TNR: variants seen among roughly 807,000 people sequenced by gnomAD.
TNR encodes tenascin R.
Under a neutral mutation model 150.4 loss-of-function variants are expected in TNR, and 45 were observed. That is an observed-to-expected ratio of 0.30 (90% CI 0.24 to 0.38). The LOEUF (loss-of-function observed/expected upper bound fraction) is 0.38, where lower values mean the gene tolerates loss of function less well. Ranked by LOEUF, TNR falls within the 10% of genes least tolerant of loss-of-function variation. The probability of loss-of-function intolerance (pLI) is 1.00; values close to 1 mark genes in which losing one functional copy is unlikely to be tolerated. For synonymous variants in TNR, 687 were observed against 678.4 expected, an observed-to-expected ratio of 1.01 and a Z score of -0.20; for missense variants, 1,544 against 1,759.1, an observed-to-expected ratio of 0.88 and a Z score of 2.19.
rs1342719941 is a variant in TNR, at chr1:175,472,810, C to T, written c.-64+55459G>A. Among the ~76,000 whole-genome samples the T allele has an allele frequency of 2.0e-5, 3 of 152,308 alleles. No homozygotes were observed. The East Asian group carries it at 5.8e-4, about 29-fold the overall frequency. ...GGGTCCTTGATTCTCTAATCTGTAA[C>T]ATCTACTATCCCTGGCTGGGCTTGT... On this transcript the variant is annotated intron_variant, in intron 2 of 22. Coordinates refer to ENST00000367674, the MANE Select transcript of TNR (RefSeq NM_003285.3).
intron 1 of TNR, among the ~76,000 whole-genome samples, chr1:175,703,085 G>A (rs1666744173): frequency 6.6e-6 from 1 of 151,928 alleles, no homozygotes; most frequent in African/African-American, 2.4e-5. Context: ...AGGGAGGGAA[G>A]ACAAAAATAA....
chr1:175,693,201 T>C (rs575214171), intron 1 of TNR, among the ~76,000 whole-genome samples: 23 of 152,228 alleles, frequency 1.5e-4, no homozygotes, highest in Non-Finnish European at 7.3e-5. Flanking sequence ...CCCAGCTTGC[T>C]CTCTGTTACC....
intron 8 of TNR, among the ~76,000 whole-genome samples, chr1:175,381,750 A>G (rs1478254960): frequency 6.6e-6 from 1 of 152,254 alleles, no homozygotes; most frequent in Non-Finnish European, 1.5e-5. Context: ...AACATAAATT[A>G]GATTAAGTAA....
At chr1:175,444,980 G>A (rs1353978958) in intron 2 of TNR, among the ~76,000 whole-genome samples, 2 of 152,128 alleles carry the variant, frequency 1.3e-5, no homozygotes, top group African/African-American at 4.8e-5. Flanking sequence ...GCAGTAAGAA[G>A]CCTGAGGCAG....
At chr1:175,511,219 T>C (rs1013914461) in intron 2 of TNR, among the ~76,000 whole-genome samples, 1 of 152,150 alleles carries the variant, frequency 6.6e-6, no homozygotes, top group African/African-American at 2.4e-5. Context: ...CTGCTGCAAT[T>C]GAAACAACAG....
intron 1 of TNR, among the ~76,000 whole-genome samples, chr1:175,701,476 C>T (rs1387780824): frequency 6.6e-6 from 1 of 152,246 alleles, no homozygotes; most frequent in Non-Finnish European, 1.5e-5. Flanking sequence ...CTTGGCTCCT[C>T]AACCCCAGCT....
intron 1 of TNR, among the ~76,000 whole-genome samples, chr1:175,640,930 T>C (rs1379000651): frequency 3.3e-5 from 5 of 152,132 alleles, no homozygotes; most frequent in African/African-American, 1.2e-4. Context: ...ATTATGTAAC[T>C]GCCTATGTGC....
chr1:175,573,028 C>T (rs566637866), intron 1 of TNR, among the ~76,000 whole-genome samples: 2 of 152,208 alleles, frequency 1.3e-5, no homozygotes, highest in African/African-American at 4.8e-5. Context: ...TGCGATTCAT[C>T]CTGAAGCTAA....
chr1:175,705,611 G>C (rs754786601), intron 1 of TNR, among the ~76,000 whole-genome samples: 1 of 151,946 alleles, frequency 6.6e-6, no homozygotes, highest in Non-Finnish European at 1.5e-5. Context: ...GTGTGCGTGC[G>C]TGTGTGTGTA....
intron 1 of TNR, among the ~76,000 whole-genome samples, chr1:175,616,042 A>G (rs916502192): frequency 1.3e-5 from 2 of 152,244 alleles, no homozygotes; most frequent in African/African-American, 4.8e-5. Flanking sequence ...AATAACTGAG[A>G]GAATGGCATG....
Position 175,391,275 on chromosome 1 carries a change from T to C in TNR, c.1507+13A>G. On this transcript the variant is annotated intron_variant, in intron 7 of 22. Coordinates refer to ENST00000367674, the MANE Select transcript of TNR (RefSeq NM_003285.3). The stretch of plus-strand genomic sequence containing the variant: ...AGTAGGCAGCTCTAGGGAGAAGGGT[T>C]GGAGGCACTCACCTGTGGAGACGCT... 6.2e-7 allele frequency: 1 copy of C among 1,612,902 alleles called. No homozygotes were observed.
At chr1:175,616,537 G>T (rs914906847) in intron 1 of TNR, among the ~76,000 whole-genome samples, 3 of 152,150 alleles carry the variant, frequency 2.0e-5, no homozygotes, top group African/African-American at 7.2e-5. Context: ...CAGGATGGGG[G>T]CAGAGGAAAC....
At chr1:175,344,651 A>G (rs955147426) in intron 18 of TNR, among the ~76,000 whole-genome samples, 1 of 152,230 alleles carries the variant, frequency 6.6e-6, no homozygotes, top group South Asian at 2.1e-4. Flanking sequence ...AAAGTTGTGC[A>G]AGATAAAATG....
In TNR at chr1:175,485,912, G is replaced by A. The variant is rs900724060; in HGVS notation, c.-64+42357C>T. Among the ~76,000 whole-genome samples the A allele has an allele frequency of 2.0e-5, 3 of 152,146 alleles. 1 individual carries two copies. Among genetic ancestry groups the A allele is most frequent in the Non-Finnish European group, 4.4e-5 (3 of 68,042 alleles). On this transcript the variant is annotated intron_variant, in intron 2 of 22. Transcript: ENST00000367674. ...TTTTGTTCTCACAACAGTTCATGAG[G>A]AACGTATTGTCATCACCATCCTTCT...
chr1:175,463,148 G>C (rs1427129845), intron 2 of TNR, among the ~76,000 whole-genome samples: 1 of 152,138 alleles, frequency 6.6e-6, no homozygotes, highest in Non-Finnish European at 1.5e-5. Flanking sequence ...TACCCACAGA[G>C]AGCCTAGAGT....
chr1:175,364,624 C>T (rs192996152), intron 12 of TNR, among the ~76,000 whole-genome samples: 6 of 152,310 alleles, frequency 3.9e-5, no homozygotes, highest in East Asian at 3.9e-4. Context: ...CATTATTGTA[C>T]GAGTGAACTT....
chr1:175,403,715 C>T (rs946850183), intron 3 of TNR, 99 bp from the exon 4 acceptor site: 42 of 988,912 alleles, frequency 4.2e-5, no homozygotes, highest in Non-Finnish European at 6.3e-5. Context: ...ATTCTCTGAC[C>T]AGATTTCTGT....
At position 175,411,178 on chromosome 1, in the gene TNR, C is replaced by G. The variant is rs1198799760; in HGVS notation, c.-63-4401G>C. Among the ~76,000 whole-genome samples, 4 of 152,102 alleles carry G rather than the reference C, an allele frequency of 2.6e-5. No individual in the cohort carries two copies. In the East Asian group the frequency reaches 5.8e-4, roughly 22 times the overall value. The stretch of plus-strand genomic sequence containing the variant: ...TAGCTCAAAATACAGACTAGCATTG[C>G]TAATAATGAAAGTTACCTGGGTGTC... On this transcript the variant is annotated intron_variant, in intron 2 of 22. Transcript: ENST00000367674.
At chr1:175,514,186 A>T (rs913707561) in intron 2 of TNR, among the ~76,000 whole-genome samples, 2 of 152,224 alleles carry the variant, frequency 1.3e-5, no homozygotes, top group African/African-American at 4.8e-5. Context: ...TTCCTAGTGT[A>T]ATCACAAGGG....
Sources: gnomAD v4.1 joint callset for allele counts (sites outside exome capture counted in the v4.1 genomes callset) on GRCh38, gnomAD v4.1.1 for gene constraint, MANE v1.5 for transcripts, NCBI Gene and HGNC (gene_info 2026-07-23, HGNC 2026-07-21) for gene names.